UBAP1: variants seen among roughly 807,000 people sequenced by gnomAD.
The protein encoded by UBAP1 is ubiquitin associated protein 1.
UBAP1 carries 5 observed loss-of-function variants against 39.0 expected under a neutral mutation model. That is an observed-to-expected ratio of 0.13 (90% CI 0.07 to 0.27). The LOEUF is 0.27. Among genes scored for constraint, UBAP1 ranks in the 10% least tolerant of loss-of-function variants. UBAP1 has a pLI of 1.00. For synonymous variants in UBAP1, 211 were observed against 225.1 expected (o/e 0.94, Z 0.56); for missense variants, 490 against 608.1 (o/e 0.81, Z 2.04).
chr9:34,182,616 C>CTTCTTTCTTTCTTTCTTTCTTTCT (rs61297759), intron 1 of UBAP1, among the ~76,000 whole-genome samples: 4 of 110,600 alleles, frequency 3.6e-5, no homozygotes, highest in Admixed American at 2.0e-4. Context: ...TCTTTCTTTC[C>CTTCTTTCTTTCTTTCTTTCTTTCT]TTCTTTCTTT....
chr9:34,182,663 CTTTCTTTCTTTCTTTCTT>C (rs1563881182), intron 1 of UBAP1, among the ~76,000 whole-genome samples: 28 of 62,818 alleles, frequency 4.5e-4, no homozygotes, highest in African/African-American at 1.2e-3. Context: ...TTCTTTCTTT[CTTTCTTTCTTTCTTTCTT>C]TCTCTCTCTC....
At chr9:34,228,261 A>C (rs1393582485) in intron 2 of UBAP1, among the ~76,000 whole-genome samples, 1 of 151,534 alleles carries the variant, frequency 6.6e-6, no homozygotes, top group Non-Finnish European at 1.5e-5. Context: ...TACTAAAAAT[A>C]CAAAACATTA....
chr9:34,225,386 T>C (rs1416106149), intron 2 of UBAP1, among the ~76,000 whole-genome samples: 1 of 152,138 alleles, frequency 6.6e-6, no homozygotes, highest in African/African-American at 2.4e-5. Context: ...CAAACAGTTA[T>C]TTCTCAAACT....
intron 1 of UBAP1, among the ~76,000 whole-genome samples, chr9:34,206,905 A>G (rs528899205): frequency 4.8e-4 from 73 of 152,002 alleles, no homozygotes; most frequent in Non-Finnish European, 8.4e-4. Flanking sequence ...AGGGATTTCT[A>G]CTTTGTTCCA....
chr9:34,224,090 C>A, intron 2 of UBAP1: 2 of 715,956 alleles, frequency 2.8e-6, no homozygotes, highest in Non-Finnish European at 4.5e-6. Context: ...TGAAGTGATG[C>A]ACGCAAGAAG....
At chr9:34,234,838 A>G (rs562485803) in intron 3 of UBAP1, among the ~76,000 whole-genome samples, 3 of 152,196 alleles carry the variant, frequency 2.0e-5, no homozygotes, top group East Asian at 1.9e-4. Flanking sequence ...ATGTATTACT[A>G]TGCTATACTT....
At chr9:34,249,749 C>T (rs1239032175) in intron 4 of UBAP1, 30 bp from the exon 5 acceptor site, 4 of 1,607,968 alleles carry the variant, frequency 2.5e-6, no homozygotes. Context: ...CCCAGGTCTT[C>T]TTGCCTTAAT....
chr9:34,241,957 G>A lies in UBAP1; in HGVS notation c.932G>A (p.Ser311Asn). 1 of 1,614,174 alleles carries A rather than the reference G, an allele frequency of 6.2e-7. No individual in the cohort carries two copies. The highest frequency in any genetic ancestry group is 8.5e-7 in the Non-Finnish European group (1 of 1,180,036). ...SLKPSTQSSA[S>N]ELNGHHTLGL... ...AAGCCTTCCACCCAAAGCAGTGCCA[G>A]TGAGCTCAATGGGCATCACACTCTT... The change falls in exon 4 of 7, where the codon AGT becomes AAT. Residue 311 changes from serine (S) to asparagine (N), a missense_variant. Coordinates refer to ENST00000297661, the MANE Select transcript of UBAP1 (RefSeq NM_016525.5).
chr9:34,180,050 C>G (rs1038701943), intron 1 of UBAP1, among the ~76,000 whole-genome samples: 1 of 152,116 alleles, frequency 6.6e-6, no homozygotes, highest in East Asian at 1.9e-4. Flanking sequence ...ATATTCTGTT[C>G]TAACTTTACT....
intron 1 of UBAP1, among the ~76,000 whole-genome samples, chr9:34,181,116 C>CTTTCTTTCTT (rs1193356334): frequency 1.4e-5 from 1 of 72,238 alleles, no homozygotes; most frequent in Admixed American, 1.9e-4. Flanking sequence ...GGCCTGTTTT[C>CTTTCTTTCTT]TTTTTTTTTT....
At position 34,241,444 on chromosome 9, in the gene UBAP1, C is replaced by T. The variant is rs751433711; in HGVS notation, c.419C>T (p.Thr140Met). Residue 140 changes from threonine to methionine, a missense_variant, in exon 4 of 7, where the codon ACG (threonine) becomes ATG (methionine). This residue lies in a region of UBAP1 where 144 missense variants were observed against 184.4 expected (regional missense o/e 0.78). Coordinates refer to ENST00000297661, the MANE Select transcript of UBAP1 (RefSeq NM_016525.5). ...CCAACTCGGGTCAGCAGTAGTGCCACGAAACAGAAAGTTCTCAGCCCACCT... is the reference window on the plus strand; with the variant it reads ...CCAACTCGGGTCAGCAGTAGTGCCATGAAACAGAAAGTTCTCAGCCCACCT... ...LTPTRVSSSA[T>M]KQKVLSPPHI... The T allele has an allele frequency of 8.7e-6, 14 of 1,604,728 alleles. No homozygotes were observed. The highest frequency in any genetic ancestry group is 2.2e-5 in the East Asian group (1 of 44,850).
At position 34,232,056 on chromosome 9, in the gene UBAP1, G is replaced by A. The variant is rs184365023; in HGVS notation, c.35-2160G>A. Reference sequence around the variant, plus strand: ...CTATTCTGAGGTTGAGAAAGGAGTCGTTCTTGAGGCTCACTGCACCTTCCG... The same window carrying A: ...CTATTCTGAGGTTGAGAAAGGAGTCATTCTTGAGGCTCACTGCACCTTCCG... On this transcript the variant is annotated intron_variant, in intron 2 of 6. Coordinates refer to ENST00000297661, the MANE Select transcript of UBAP1 (RefSeq NM_016525.5). Among the ~76,000 whole-genome samples the A allele has an allele frequency of 2.6e-4, 39 of 151,984 alleles. No individual in the cohort carries two copies. The East Asian group carries it at 6.8e-3, about 26-fold the overall frequency.
At chr9:34,211,070 A>G (rs1244062489) in intron 1 of UBAP1, among the ~76,000 whole-genome samples, 2 of 152,178 alleles carry the variant, frequency 1.3e-5, no homozygotes, top group African/African-American at 2.4e-5. Flanking sequence ...TTTTGTCAAT[A>G]TAGACATTGG....
intron 4 of UBAP1, among the ~76,000 whole-genome samples, chr9:34,246,429 G>C (rs1834182555): frequency 1.3e-5 from 2 of 152,212 alleles, no homozygotes; most frequent in Non-Finnish European, 2.9e-5. Flanking sequence ...ACATTTTAGT[G>C]TGTTAAATGA....
chr9:34,210,358 A>G (rs1471957469), intron 1 of UBAP1, among the ~76,000 whole-genome samples: 1 of 152,226 alleles, frequency 6.6e-6, no homozygotes, highest in Non-Finnish European at 1.5e-5. Flanking sequence ...AATTGAATTC[A>G]GTCTTCACAG....
intron 3 of UBAP1, among the ~76,000 whole-genome samples, chr9:34,240,015 A>T (rs1185913401): frequency 6.6e-6 from 1 of 152,244 alleles, no homozygotes; most frequent in East Asian, 1.9e-4. Context: ...CAATTTTTTT[A>T]AAATAAAACT....
intron 1 of UBAP1, among the ~76,000 whole-genome samples, chr9:34,194,063 G>C (rs1233034511): frequency 1.3e-5 from 2 of 152,246 alleles, no homozygotes; most frequent in South Asian, 2.1e-4. Flanking sequence ...TATGAACCAG[G>C]AACAGTGGAT....
intron 3 of UBAP1, among the ~76,000 whole-genome samples, chr9:34,239,622 T>G (rs1833864673): frequency 6.6e-6 from 1 of 152,230 alleles, no homozygotes. Flanking sequence ...TAGAACATCC[T>G]CTGGTGTCAC....
At chr9:34,187,685 T>C (rs1406261517) in intron 1 of UBAP1, among the ~76,000 whole-genome samples, 3 of 152,140 alleles carry the variant, frequency 2.0e-5, no homozygotes, top group East Asian at 1.9e-4. Context: ...AGAGCTGATA[T>C]GGAAACAGAG....
Sources: gnomAD v4.1 joint callset for allele counts (sites outside exome capture counted in the v4.1 genomes callset) on GRCh38, gnomAD v4.1.1 for gene constraint, gnomAD v4.1.1 regional missense constraint, MANE v1.5 for transcripts, NCBI Gene and HGNC (gene_info 2026-07-23, HGNC 2026-07-21) for gene names.